Variants in EIF2D observed in about 807,000 individuals in gnomAD.
The protein encoded by EIF2D is eukaryotic translation initiation factor 2D.
EIF2D carries 56 observed loss-of-function variants against 77.4 expected under a neutral mutation model. The observed-to-expected ratio is 0.72, with a 90% confidence interval of 0.58 to 0.90. EIF2D has a LOEUF of 0.90. Ranked by LOEUF, EIF2D falls within the 40% of genes least tolerant of loss-of-function variation. The pLI, the probability that EIF2D is intolerant of heterozygous loss-of-function variation, is 0.00. For synonymous variants in EIF2D, 230 were observed against 271.0 expected (o/e 0.85, Z 1.49); for missense variants, 574 against 706.5 (o/e 0.81, Z 2.13).
At chr1:206,569,779 C>A (rs559017516), downstream of EIF2D, among the ~76,000 whole-genome samples, 4 of 152,164 alleles carry the variant, frequency 2.6e-5, no homozygotes, top group Non-Finnish European at 4.4e-5. Context: ...CAGGCATGCC[C>A]GCTACGACTG....
At position 206,612,421 on chromosome 1, in the gene EIF2D, C is replaced by A; in HGVS notation, c.-79G>T. 1 of 1,588,184 alleles carries A rather than the reference C, an allele frequency of 6.3e-7. No individual in the cohort carries two copies. The stretch of plus-strand genomic sequence containing the variant: ...AGCGAGGGCGCAGCAGCTGCCAGGC[C>A]CTCAGCCGTGGGGGCAGCCATGCTG... On this transcript the variant is annotated 5_prime_UTR_variant, in exon 1 of 15. Transcript: ENST00000271764.
intron 4 of EIF2D, among the ~76,000 whole-genome samples, chr1:206,574,455 C>T (rs983160716): frequency 6.6e-5 from 10 of 152,202 alleles, no homozygotes; most frequent in African/African-American, 2.4e-4. Flanking sequence ...TTGACATTGA[C>T]CATCTGCTCT....
intron 4 of EIF2D, among the ~76,000 whole-genome samples, chr1:206,573,188 T>G (rs1668511043): frequency 6.6e-6 from 1 of 152,208 alleles, no homozygotes; most frequent in Non-Finnish European, 1.5e-5. Context: ...AGTCTCCGTG[T>G]GGTGGCTCAT....
chr1:206,597,761 A>G (rs1472594129), intron 11 of EIF2D, among the ~76,000 whole-genome samples: 2 of 152,166 alleles, frequency 1.3e-5, no homozygotes, highest in Admixed American at 6.5e-5. Context: ...CCTGGCCAAC[A>G]TGGTGAAACC....
Position 206,611,350 on chromosome 1 carries a change from T to G in EIF2D, c.81A>C (p.Thr27=). Residue 27 remains threonine (T), a synonymous_variant, in exon 2 of 15, where the codon ACA becomes ACC. Transcript: ENST00000271764. ...SDRRKLRADV[T]TAFPTLGTDQ... ...CAGTTCCAAGGGTGGGGAAAGCAGT[T>G]GTCACATCAGCTCGAAGCTTTCTCC... 1 of 1,614,038 alleles carries G rather than the reference T, an allele frequency of 6.2e-7. No individual in the cohort carries two copies.
chr1:206,598,059 A>G (rs1669737342), intron 11 of EIF2D, among the ~76,000 whole-genome samples: 1 of 151,962 alleles, frequency 6.6e-6, no homozygotes, highest in Admixed American at 6.6e-5. Flanking sequence ...TTTTTTTGAG[A>G]TGGGGTTTCA....
chr1:206,574,766 C>T (rs77965726), intron 4 of EIF2D, among the ~76,000 whole-genome samples: 93 of 151,704 alleles, frequency 6.1e-4, no homozygotes, highest in Non-Finnish European at 1.2e-3. Flanking sequence ...CACAGGCCTT[C>T]GAAGACCTGG....
intron 3 of EIF2D, among the ~76,000 whole-genome samples, chr1:206,608,609 G>A (rs1670314886): frequency 6.6e-6 from 1 of 152,202 alleles, no homozygotes; most frequent in Admixed American, 6.5e-5. Flanking sequence ...CGGGCGCAGT[G>A]CCTTATGCCT....
downstream of EIF2D, among the ~76,000 whole-genome samples, chr1:206,570,034 T>A (rs1668397484): frequency 6.6e-6 from 1 of 151,756 alleles, no homozygotes; most frequent in Admixed American, 6.6e-5. Flanking sequence ...CCCCTGCCCT[T>A]TTTATTTTTT....
chr1:206,612,383 G>A lies in EIF2D; in HGVS notation c.-41C>T, dbSNP rs1670546998. The A allele has an allele frequency of 6.2e-7, 1 of 1,613,820 alleles. No homozygotes were observed. Among genetic ancestry groups the A allele is most frequent in the Admixed American group, 1.7e-5 (1 of 60,026 alleles). On this transcript the variant is annotated 5_prime_UTR_variant, in exon 1 of 15. Coordinates refer to ENST00000271764, the MANE Select transcript of EIF2D (RefSeq NM_006893.3). ...CTGGGGAAGAGAGCACAGAAGCCAG[G>A]GAATGTCAAGAAAGCGAGGGCGCAG...
At chr1:206,575,228 G>A (rs1178938118) in intron 4 of EIF2D, among the ~76,000 whole-genome samples, 1 of 152,146 alleles carries the variant, frequency 6.6e-6, no homozygotes, top group Non-Finnish European at 1.5e-5. Flanking sequence ...TGTTTGGGGT[G>A]TGGAAGGCAG....
chr1:206,598,346 A>G (rs1422267716), intron 11 of EIF2D, among the ~76,000 whole-genome samples: 1 of 152,228 alleles, frequency 6.6e-6, no homozygotes, highest in Non-Finnish European at 1.5e-5. Context: ...CCATTAAAGT[A>G]AAAAACAATT....
rs1329990453 is a variant in EIF2D at position 206,592,150 on chromosome 1, C to A, written c.1685-305G>T. Among the ~76,000 whole-genome samples the A allele has an allele frequency of 6.6e-6, 1 of 152,200 alleles. No individual in the cohort carries two copies. The highest frequency in any genetic ancestry group is 1.5e-5 in the Non-Finnish European group (1 of 68,028). On this transcript the variant is annotated intron_variant, in intron 14 of 14. Transcript: ENST00000271764. The surrounding 1 kb of genome is among the most constrained non-coding windows in gnomAD (Gnocchi z 4.7). ...TCAGTACCTTGTATGGGGTTCTTCACATAAAGAGGCTCAACTCTAGAAGTT... is the reference window on the plus strand; with the variant it reads ...TCAGTACCTTGTATGGGGTTCTTCAAATAAAGAGGCTCAACTCTAGAAGTT...
chr1:206,585,109 C>A, intron 2 of EIF2D: 2 of 1,158,892 alleles, frequency 1.7e-6, no homozygotes, highest in East Asian at 2.3e-5. Context: ...CATTTCCAAT[C>A]CTTTCCCGCA....
Position 206,584,740 on chromosome 1 carries a change from C to G in EIF2D, c.139-3578G>C. On this transcript the variant is annotated intron_variant and NMD_transcript_variant, in intron 2 of 5. Coordinates refer to the EIF2D transcript ENST00000472709. This position sits in a 1 kb window ranked among gnomAD's most constrained non-coding sequence, Gnocchi z 4.9. ...TTCCCTTCCTACCTGTGTCCAAGCC[C>G]ACCCACTAAAACTCCTGCCGGCCTT... The G allele has an allele frequency of 6.3e-7, 1 of 1,594,114 alleles. No homozygotes were observed. The highest frequency in any genetic ancestry group is 8.6e-7 in the Non-Finnish European group (1 of 1,166,468).
intron 4 of EIF2D, among the ~76,000 whole-genome samples, chr1:206,606,286 T>C (rs1670200125): frequency 6.6e-6 from 1 of 152,228 alleles, no homozygotes; most frequent in Non-Finnish European, 1.5e-5. Context: ...CTGGTAGCTC[T>C]GCTAACTGTA....
At chr1:206,594,245 T>C (rs543710409) in intron 13 of EIF2D, 1 of 152,464 alleles carries the variant, frequency 6.6e-6, no homozygotes, top group South Asian at 2.1e-4. Flanking sequence ...CTATAAATAT[T>C]TCAGTATGTA....
Position 206,611,336 on chromosome 1 carries a change from G to T in EIF2D, c.95C>A (p.Thr32Asn), listed in dbSNP as rs1468722275. 6.2e-7 allele frequency: 1 copy of T among 1,614,042 alleles called. No homozygotes were observed. Among genetic ancestry groups the T allele is most frequent in the African/African-American group, 1.3e-5 (1 of 74,896 alleles). ...CTCAGAGACTTGATCAGTTCCAAGG[G>T]TGGGGAAAGCAGTTGTCACATCAGC... ...LRADVTTAFP[T>N]LGTDQVSELV... Residue 32 changes from threonine to asparagine, a missense_variant, in exon 2 of 15, where the codon ACC becomes AAC. By Grantham distance (65) the Thr-to-Asn change is moderately conservative. Transcript: ENST00000271764.
At chr1:206,591,868 T>G in intron 14 of EIF2D, 23 bp from the exon 15 acceptor site, 1 of 1,613,432 alleles carries the variant, frequency 6.2e-7, no homozygotes, top group South Asian at 1.1e-5. Flanking sequence ...AAGCACACAC[T>G]CCTCAGCGGA....
Sources: allele counts gnomAD v4.1 joint callset (sites outside exome capture counted in the v4.1 genomes callset), GRCh38; gene constraint gnomAD v4.1.1; non-coding constraint Gnocchi (gnomAD v3.1); transcripts MANE v1.5; gene names NCBI Gene and HGNC (gene_info 2026-07-23, HGNC 2026-07-21).